Variants in MEIKIN observed in about 807,000 individuals in gnomAD.
MEIKIN encodes the protein meiotic kinetochore factor, also known as meiosis-specific kinetochore protein.
At chr5:131,886,907 CTCG>C (rs1750807566) in intron 8 of MEIKIN, among the ~76,000 whole-genome samples, 1 of 151,084 alleles carries the variant, frequency 6.6e-6, no homozygotes, top group Non-Finnish European at 1.5e-5. Flanking sequence ...CACCCATCAA[CTCG>C]TCATTTACAT....
intron 12 of MEIKIN, among the ~76,000 whole-genome samples, chr5:131,809,915 A>C (rs1772921076): frequency 6.6e-6 from 1 of 152,172 alleles, no homozygotes; most frequent in South Asian, 2.1e-4. Flanking sequence ...AGAAACAAAT[A>C]ATTATTGCAT....
chr5:131,919,509 C>T (rs1751470680), intron 6 of MEIKIN, among the ~76,000 whole-genome samples: 1 of 152,002 alleles, frequency 6.6e-6, no homozygotes, highest in Non-Finnish European at 1.5e-5. Context: ...TTTGAATCAA[C>T]AAAAGTACAT....
At chr5:131,829,798 T>C (rs1341723514) in intron 11 of MEIKIN, among the ~76,000 whole-genome samples, 1 of 152,130 alleles carries the variant, frequency 6.6e-6, no homozygotes, top group South Asian at 2.1e-4. Flanking sequence ...GGAGTTATGC[T>C]GCCACAAGAC....
chr5:131,873,535 C>T (rs1378876589), intron 9 of MEIKIN, among the ~76,000 whole-genome samples: 1 of 152,112 alleles, frequency 6.6e-6, no homozygotes, highest in Non-Finnish European at 1.5e-5. Context: ...CTTAGACTCC[C>T]ACACAATAAT....
intron 9 of MEIKIN, among the ~76,000 whole-genome samples, chr5:131,874,453 T>C (rs1180693928): frequency 6.6e-6 from 1 of 152,088 alleles, no homozygotes; most frequent in Admixed American, 6.6e-5. Flanking sequence ...CAGGAAGAAG[T>C]TGAATCTCTG....
chr5:131,857,876 G>A (rs770546765), intron 9 of MEIKIN, among the ~76,000 whole-genome samples: 2 of 152,192 alleles, frequency 1.3e-5, no homozygotes, highest in East Asian at 1.9e-4. Context: ...GCTAATGTGC[G>A]GCACTCTGCC....
At chr5:131,822,885 A>G (rs1749543908) in intron 11 of MEIKIN, among the ~76,000 whole-genome samples, 1 of 150,876 alleles carries the variant, frequency 6.6e-6, no homozygotes, top group South Asian at 2.1e-4. Flanking sequence ...GAAATCCCTC[A>G]GCTTTTATTT....
chr5:131,850,597 T>C (rs1287270551), intron 11 of MEIKIN, among the ~76,000 whole-genome samples: 2 of 152,092 alleles, frequency 1.3e-5, no homozygotes, highest in Non-Finnish European at 2.9e-5. Context: ...CTTCAACAAA[T>C]GATGCTGAGA....
chr5:131,928,915 T>A (rs1015900940), intron 5 of MEIKIN, among the ~76,000 whole-genome samples: 1 of 152,238 alleles, frequency 6.6e-6, no homozygotes, highest in Admixed American at 6.5e-5. Flanking sequence ...ATGAGTCTTA[T>A]ACTTTCATGT....
chr5:131,815,994 G>A (rs1223722721), intron 12 of MEIKIN, among the ~76,000 whole-genome samples: 1 of 152,218 alleles, frequency 6.6e-6, no homozygotes, highest in Non-Finnish European at 1.5e-5. Flanking sequence ...ATCATATGAT[G>A]TACAATGTAT....
chr5:131,941,140 T>A (rs1561761338), intron 4 of MEIKIN, among the ~76,000 whole-genome samples: 1 of 137,104 alleles, frequency 7.3e-6, no homozygotes. Context: ...CAAGATCTCT[T>A]CCTTTTTTTT....
At chr5:131,879,230 CATCCTT>C (rs1166482703) in intron 8 of MEIKIN, among the ~76,000 whole-genome samples, 182 bp from the exon 9 acceptor site, 1 of 152,062 alleles carries the variant, frequency 6.6e-6, no homozygotes, top group Admixed American at 6.5e-5. Flanking sequence ...ATAATAAAAA[CATCCTT>C]ATCTTAAGAG....
intron 9 of MEIKIN, among the ~76,000 whole-genome samples, chr5:131,865,301 G>C (rs1456208702): frequency 6.6e-6 from 1 of 151,828 alleles, no homozygotes; most frequent in Non-Finnish European, 1.5e-5. Context: ...CTCACTGCAA[G>C]CTCCGCCTCC....
chr5:131,871,825 G>C (rs1750507277), intron 9 of MEIKIN, among the ~76,000 whole-genome samples: 1 of 152,142 alleles, frequency 6.6e-6, no homozygotes, highest in Non-Finnish European at 1.5e-5. Context: ...TCAGGCAGCA[G>C]CATTTGCGGT....
intron 5 of MEIKIN, among the ~76,000 whole-genome samples, chr5:131,928,108 C>G (rs945377423): frequency 1.4e-5 from 2 of 144,952 alleles, no homozygotes; most frequent in Admixed American, 7.0e-5. Context: ...CGCGCCACTG[C>G]ACTCCAGCCT....
At chr5:131,836,525 C>G (rs979993583) in intron 11 of MEIKIN, among the ~76,000 whole-genome samples, 1 of 152,142 alleles carries the variant, frequency 6.6e-6, no homozygotes, top group African/African-American at 2.4e-5. Flanking sequence ...CAGTGTATGA[C>G]TGTTCCTTTT....
chr5:131,809,673 G>T (rs764665511), intron 12 of MEIKIN, among the ~76,000 whole-genome samples: 1 of 152,104 alleles, frequency 6.6e-6, no homozygotes, highest in Non-Finnish European at 1.5e-5. Context: ...GGGCGTGGTG[G>T]TACGTGCCTG....
chr5:131,883,314 C>CTA (rs1750728257), intron 8 of MEIKIN, among the ~76,000 whole-genome samples: 1 of 152,008 alleles, frequency 6.6e-6, no homozygotes, highest in African/African-American at 2.4e-5. Flanking sequence ...TACAAGACAC[C>CTA]TATATATATC....
chr5:131,944,757 CAAAG>C lies in MEIKIN; in HGVS notation c.201-9_201-6del. ...CCTGTAACTCCTAAGCGAGGGCTAA[CAAAG>C]AGACAACGCAATTAGTTTGCACCAT... On this transcript the variant is annotated splice_polypyrimidine_tract_variant and splice_region_variant and intron_variant, in intron 2 of 12. Coordinates refer to ENST00000442687, the MANE Select transcript of MEIKIN (RefSeq NM_001303622.2). 1 of 399,046 alleles carries C rather than the reference CAAAG, an allele frequency of 2.5e-6. No homozygotes were observed. The highest frequency in any genetic ancestry group is 4.4e-6 in the Non-Finnish European group (1 of 226,066). The allele number at this position is 399,046 out of a possible 1,614,324, so 24.7% of individuals were successfully genotyped here. A position where few individuals can be genotyped will look rare whatever the true frequency, so the allele number is the denominator to read the frequency against.
Sources: allele counts gnomAD v4.1 joint callset (sites outside exome capture counted in the v4.1 genomes callset), GRCh38; gene constraint gnomAD v4.1.1; transcripts MANE v1.5; gene names NCBI Gene and HGNC (gene_info 2026-07-23, HGNC 2026-07-21).